HIBCH: variants seen among roughly 807,000 people sequenced by gnomAD.
HIBCH encodes the protein 3-hydroxyisobutyryl-CoA hydrolase, mitochondrial.
In HIBCH, 50 loss-of-function variants were observed where a neutral mutation model predicts 58.2. That is an observed-to-expected ratio of 0.86 (90% confidence interval 0.68 to 1.09). HIBCH has a LOEUF of 1.09. Among genes scored for constraint, HIBCH ranks in the 50% least tolerant of loss-of-function variants. The pLI, the probability that HIBCH is intolerant of heterozygous loss-of-function variation, is 0.00. For synonymous variants in HIBCH, 151 were observed against 146.9 expected (o/e 1.03, Z -0.20); for missense variants, 450 against 449.7 (o/e 1.00, Z -0.01).
chr2:190,275,848 T>TA (rs1277755583), intron 6 of HIBCH, among the ~76,000 whole-genome samples: 1 of 152,230 alleles, frequency 6.6e-6, no homozygotes, highest in African/African-American at 2.4e-5. Context: ...ACAATTCTTT[T>TA]ATAATTGGTT....
chr2:190,224,676 A>T (rs1450119092), intron 11 of HIBCH, among the ~76,000 whole-genome samples: 2 of 152,218 alleles, frequency 1.3e-5, no homozygotes, highest in African/African-American at 4.8e-5. Flanking sequence ...ACTCCCACAC[A>T]ATAATAATGG....
At chr2:190,222,802 C>A (rs931790490) in intron 11 of HIBCH, among the ~76,000 whole-genome samples, 2 of 152,236 alleles carry the variant, frequency 1.3e-5, no homozygotes, top group South Asian at 4.1e-4. Context: ...AATCATTCTA[C>A]GAGAAAGACA....
chr2:190,242,608 G>A (rs1686483713), intron 11 of HIBCH, among the ~76,000 whole-genome samples: 1 of 152,056 alleles, frequency 6.6e-6, no homozygotes. Context: ...GGGTTTTTGT[G>A]TGGGTGTCCT....
At chr2:190,252,707 T>C (rs372017916) in intron 7 of HIBCH, among the ~76,000 whole-genome samples, 3 of 152,222 alleles carry the variant, frequency 2.0e-5, no homozygotes, top group African/African-American at 7.2e-5. Context: ...TGGCCTATTA[T>C]AGCAAAATTA....
Position 190,260,173 on chromosome 2 carries a change from G to A in HIBCH, c.517+983C>T, listed in dbSNP as rs13401506. ...CATAATTGTCTCTTTAGGAATTCCA[G>A]TAAAGTAGAATCGAATTCAAATCTA... On this transcript the variant is annotated intron_variant, in intron 7 of 13. Transcript: ENST00000359678. 5.8e-3 allele frequency among the ~76,000 whole-genome samples: 891 copies of A among 152,310 alleles called. 11 individuals carry two copies. The highest frequency in any genetic ancestry group is 0.021 in the African/African-American group (857 of 41,570).
chr2:190,270,685 T>C (rs1382326539), intron 6 of HIBCH, among the ~76,000 whole-genome samples: 1 of 152,236 alleles, frequency 6.6e-6, no homozygotes, highest in Non-Finnish European at 1.5e-5. Flanking sequence ...TCATCGCACA[T>C]GCTTTCACTA....
chr2:190,262,078 G>A (rs1687102825), intron 6 of HIBCH, among the ~76,000 whole-genome samples: 1 of 151,426 alleles, frequency 6.6e-6, no homozygotes, highest in African/African-American at 2.4e-5. Flanking sequence ...TCGATGACAG[G>A]CAGTGAAGCT....
chr2:190,259,318 G>GGTGTGTGTGT (rs1364718798), intron 7 of HIBCH, among the ~76,000 whole-genome samples: 37 of 71,202 alleles, frequency 5.2e-4, no homozygotes, highest in Non-Finnish European at 9.6e-4. Flanking sequence ...TCAGTATACA[G>GGTGTGTGTGT]ATGTGTGTGT....
intron 9 of HIBCH, among the ~76,000 whole-genome samples, chr2:190,247,827 C>A (rs1167656984): frequency 2.0e-5 from 3 of 152,136 alleles, no homozygotes; most frequent in African/African-American, 7.2e-5. Context: ...CTCAGATGAT[C>A]ATTAGTATTT....
chr2:190,203,680 T>C (rs1017869081), downstream of HIBCH, among the ~76,000 whole-genome samples: 4 of 152,164 alleles, frequency 2.6e-5, no homozygotes, highest in Non-Finnish European at 5.9e-5. Flanking sequence ...ATGTATCCGA[T>C]ATCATGGCAT....
chr2:190,204,773 C>T lies in HIBCH; in HGVS notation c.*344G>A. 1 of 248,510 alleles carries T rather than the reference C, an allele frequency of 4.0e-6. No homozygotes were observed. Among genetic ancestry groups the T allele is most frequent in the Non-Finnish European group, 7.9e-6 (1 of 127,002 alleles). The allele number at this position is 248,510 out of a possible 1,614,324, so 15.4% of individuals were successfully genotyped here. On this transcript the variant is annotated 3_prime_UTR_variant, in exon 14 of 14. Transcript: ENST00000359678. The stretch of plus-strand genomic sequence containing the variant: ...TCCAAAGATCTTCACATTTTTCCAT[C>T]TTCTAAAACAAGGATTGACAAACTT...
At chr2:190,256,417 C>A (rs1389930251) in intron 7 of HIBCH, among the ~76,000 whole-genome samples, 1 of 146,230 alleles carries the variant, frequency 6.8e-6, no homozygotes, top group African/African-American at 2.7e-5. Context: ...ATAATTAGCC[C>A]TAGTTGGACC....
Position 190,284,041 on chromosome 2 carries a change from A to G in HIBCH, c.438+3545T>C, listed in dbSNP as rs2105978303. The stretch of plus-strand genomic sequence containing the variant: ...GAGACTGATTCTCTAGGCAAACCCA[A>G]GAACATTTTAGGGCACTAAGACTTA... On this transcript the variant is annotated intron_variant, in intron 6 of 13. Coordinates refer to ENST00000359678, the MANE Select transcript of HIBCH (RefSeq NM_014362.4). Among the ~76,000 whole-genome samples, 2 of 152,360 alleles carry G rather than the reference A, an allele frequency of 1.3e-5. 1 individual carries two copies. Among genetic ancestry groups the G allele is most frequent in the South Asian group, 4.1e-4 (2 of 4,830 alleles).
At chr2:190,191,080 A>C (rs1443549418) in intron 1 of HIBCH, among the ~76,000 whole-genome samples, 1 of 152,176 alleles carries the variant, frequency 6.6e-6, no homozygotes, top group Non-Finnish European at 1.5e-5. Flanking sequence ...GTGTACATTA[A>C]CATCTTTGTT....
chr2:190,278,297 C>T (rs112567852), intron 6 of HIBCH, among the ~76,000 whole-genome samples: 422 of 152,182 alleles, frequency 2.8e-3, no homozygotes, highest in African/African-American at 9.7e-3. Context: ...CTCCACCTCC[C>T]GGGTTCAAGC....
At chr2:190,231,869 T>C (rs1686106676) in intron 11 of HIBCH, among the ~76,000 whole-genome samples, 1 of 152,148 alleles carries the variant, frequency 6.6e-6, no homozygotes, top group Admixed American at 6.5e-5. Flanking sequence ...AAAGTGAGTT[T>C]AGCAAAATCA....
intron 6 of HIBCH, among the ~76,000 whole-genome samples, chr2:190,286,615 A>C (rs1391678011): frequency 3.3e-5 from 5 of 152,178 alleles, no homozygotes; most frequent in Non-Finnish European, 5.9e-5. Context: ...TTCAAAGGCT[A>C]ATCTTTGTCA....
intron 1 of HIBCH, among the ~76,000 whole-genome samples, chr2:190,311,358 G>GATAC (rs1236692957): frequency 6.6e-6 from 1 of 152,150 alleles, no homozygotes; most frequent in Non-Finnish European, 1.5e-5. Flanking sequence ...TGTAATGGTT[G>GATAC]ATACATGTCC....
chr2:190,242,470 G>A (rs1686480672), intron 11 of HIBCH, among the ~76,000 whole-genome samples: 1 of 152,098 alleles, frequency 6.6e-6, no homozygotes, highest in African/African-American at 2.4e-5. Flanking sequence ...TTGCTGGAGA[G>A]GAGTTGTAAT....
Sources: gnomAD v4.1 joint callset for allele counts (sites outside exome capture counted in the v4.1 genomes callset) on GRCh38, gnomAD v4.1.1 for gene constraint, MANE v1.5 for transcripts, NCBI Gene and HGNC (gene_info 2026-07-23, HGNC 2026-07-21) for gene names.